SMG1: variants seen among roughly 807,000 people sequenced by gnomAD.
The protein encoded by SMG1 is serine/threonine-protein kinase SMG1.
A neutral mutation model predicts 419.9 loss-of-function variants in SMG1; 22 were observed. That is an observed-to-expected ratio of 0.05 (90% CI 0.04 to 0.07). The LOEUF is 0.07. SMG1 is among the 10% of genes least tolerant of loss of function. SMG1 has a pLI of 1.00. For synonymous variants in SMG1, 1,538 were observed against 1,553.5 expected (o/e 0.99, Z 0.23); for missense variants, 3,185 against 4,342.0 (o/e 0.73, Z 7.49).
chr16:18,847,032 T>TA (rs1169942286), intron 38 of SMG1, among the ~76,000 whole-genome samples: 1 of 148,992 alleles, frequency 6.7e-6, no homozygotes, highest in Non-Finnish European at 1.5e-5. Context: ...GGTATAATCA[T>TA]ACAGTATTAT....
intron 41 of SMG1, among the ~76,000 whole-genome samples, 200 bp downstream of exon 41, chr16:18,841,365 T>A (rs1596498915): frequency 8.0e-6 from 1 of 125,462 alleles, no homozygotes; most frequent in East Asian, 2.3e-4. Flanking sequence ...ACCACTGCAC[T>A]CCAGCATGGG....
chr16:18,838,482 C>T lies in SMG1; in HGVS notation c.7085-16G>A, dbSNP rs780239863. 9 of 1,613,960 alleles carry T rather than the reference C, an allele frequency of 5.6e-6. No homozygotes were observed. The East Asian group carries it at 1.6e-4, about 28-fold the overall frequency. On this transcript the variant is annotated splice_polypyrimidine_tract_variant and intron_variant, in intron 43 of 62. Transcript: ENST00000446231. ...AGGCTTTTACCTTGAAAAGACAAAT[C>T]ATTATATTTTTGCCCTTTCACCAAA...
rs201514697 is a variant in SMG1, at chr16:18,868,509, T to A, written c.3030+14A>T. 3,708 of 1,497,450 alleles carry A rather than the reference T, an allele frequency of 2.5e-3. 98 individuals are homozygous for A. The African/African-American group carries it at 0.046, about 18-fold the overall frequency. The allele number at this position is 1,497,450 out of a possible 1,614,324, so 92.8% of individuals were successfully genotyped here. Reference sequence around the variant, plus strand: ...TAAACTGCTATAAAACAACACTATCTCATGGAAACCAACCTTGGGAGGTGA... The same window carrying A: ...TAAACTGCTATAAAACAACACTATCACATGGAAACCAACCTTGGGAGGTGA... On this transcript the variant is annotated intron_variant, in intron 21 of 62. Transcript: ENST00000446231.
chr16:18,913,656 A>G (rs193139230), intron 1 of SMG1, among the ~76,000 whole-genome samples: 1 of 152,094 alleles, frequency 6.6e-6, no homozygotes, highest in African/African-American at 2.4e-5. Flanking sequence ...TAAGTTTAAC[A>G]ACTTCTTAAA....
At chr16:18,919,655 TATACACACACACACACAC>T (rs930668730) in intron 1 of SMG1, among the ~76,000 whole-genome samples, 6 of 79,970 alleles carry the variant, frequency 7.5e-5, no homozygotes, top group African/African-American at 2.9e-4. Context: ...TGTGTGTATA[TATACACACACACACACAC>T]ACACACACAC....
intron 6 of SMG1, among the ~76,000 whole-genome samples, chr16:18,886,822 A>G (rs2141760213): frequency 6.6e-6 from 1 of 152,294 alleles, no homozygotes; most frequent in Admixed American, 6.5e-5. Flanking sequence ...AGAAAAAGAA[A>G]ACCATTATTT....
At chr16:18,855,102 A>G (rs1596528773) in intron 29 of SMG1, among the ~76,000 whole-genome samples, 198 bp from the exon 30 acceptor site, 1 of 152,224 alleles carries the variant, frequency 6.6e-6, no homozygotes, top group Non-Finnish European at 1.5e-5. Context: ...AATGTATACA[A>G]TGAAGTAAAG....
At chr16:18,885,298 G>A (rs535100594) in intron 7 of SMG1, 136 bp from the exon 8 acceptor site, 18 of 637,364 alleles carry the variant, frequency 2.8e-5, no homozygotes, top group Non-Finnish European at 4.6e-5. Context: ...AACTTAGAAA[G>A]GGGAGAGGGG....
Position 18,879,644 on chromosome 16 carries a change from T to C in SMG1, c.1369A>G (p.Asn457Asp), listed in dbSNP as rs980264001. The stretch of plus-strand genomic sequence containing the variant: ...CCGAGCAAAACACCAACACACTCAT[T>C]AGCAGCTGTCAACACAGCCTCAGAA... ...FFSEAVLTAA[N>D]ECVGVLLGSL... Residue 457 changes from asparagine (N) to aspartate (D), a missense_variant, in exon 11 of 63, where the codon AAT becomes GAT. Physicochemically the swap from Asn to Asp is conservative, Grantham distance 23. This residue lies in a region of SMG1 where 6 missense variants were observed against 43.7 expected (regional missense o/e 0.14). Transcript: ENST00000446231. The C allele has an allele frequency of 6.6e-7, 1 of 1,517,934 alleles. No homozygotes were observed. Among genetic ancestry groups the C allele is most frequent in the Non-Finnish European group, 8.9e-7 (1 of 1,122,432 alleles). The allele number at this position is 1,517,934 out of a possible 1,614,324, so 94.0% of individuals were successfully genotyped here.
chr16:18,892,099 A>T (rs1215574504), intron 4 of SMG1, 119 bp downstream of exon 4: 17 of 770,368 alleles, frequency 2.2e-5, no homozygotes, highest in Non-Finnish European at 3.6e-5. Flanking sequence ...ATTAGAGAGC[A>T]TTAAGTTCTC....
At chr16:18,925,808 G>A (rs965004207) in intron 1 of SMG1, 142 bp downstream of exon 1, 12 of 560,636 alleles carry the variant, frequency 2.1e-5, no homozygotes, top group African/African-American at 1.6e-4. Flanking sequence ...CCCCAGCCGG[G>A]GCGGAGGAGA....
rs116913597 is a variant in SMG1 at position 18,830,383 on chromosome 16, A to G, written c.8793-14T>C. On this transcript the variant is annotated splice_polypyrimidine_tract_variant and intron_variant, in intron 51 of 62. Coordinates refer to ENST00000446231, the MANE Select transcript of SMG1 (RefSeq NM_015092.5). Reference sequence around the variant, plus strand: ...GCATGTAGTAGTCTACAGAAAAACAAAAGGAGTTAAAACCTTCGCTGAAAA... The same window carrying G: ...GCATGTAGTAGTCTACAGAAAAACAGAAGGAGTTAAAACCTTCGCTGAAAA... 10,143 of 1,613,566 alleles carry G rather than the reference A, an allele frequency of 6.3e-3. 58 individuals are homozygous for G. Among genetic ancestry groups the G allele is most frequent in the Middle Eastern group, 0.025 (154 of 6,054 alleles).
At chr16:18,887,788 A>T (rs2036695922) in intron 6 of SMG1, among the ~76,000 whole-genome samples, 2 of 126,040 alleles carry the variant, frequency 1.6e-5, no homozygotes, top group Admixed American at 7.9e-5. Flanking sequence ...AAAAAAAAAA[A>T]AAAAAAAAAA....
At chr16:18,812,323 T>C (rs894336432) in intron 60 of SMG1, 196 bp from the exon 61 acceptor site, 2 of 546,664 alleles carry the variant, frequency 3.7e-6, no homozygotes, top group Non-Finnish European at 6.2e-6. Flanking sequence ...TATGAATTTG[T>C]ACAATTATGT....
intron 60 of SMG1, among the ~76,000 whole-genome samples, 182 bp downstream of exon 60, chr16:18,814,993 C>G (rs1308307324): frequency 1.3e-5 from 2 of 150,342 alleles, no homozygotes; most frequent in Non-Finnish European, 3.0e-5. Flanking sequence ...GCTGAGATTA[C>G]AGGTGTGAGC....
intron 57 of SMG1, among the ~76,000 whole-genome samples, 165 bp downstream of exon 57, chr16:18,817,126 G>GGC (rs1555485533): frequency 9.7e-4 from 85 of 87,544 alleles, no homozygotes; most frequent in Admixed American, 1.8e-3. Context: ...GGCGGGGGGG[G>GGC]GGGCGCTAAG....
In SMG1 at chr16:18,919,653, TATATACAC is replaced by T. The variant is rs1477206954; in HGVS notation, c.92+6289_92+6296del. Among the ~76,000 whole-genome samples the T allele has an allele frequency of 1.5e-3, 114 of 77,080 alleles. 1 individual carries two copies. The highest frequency in any genetic ancestry group is 6.9e-3 in the African/African-American group (113 of 16,442). The allele number at this position is 77,080 out of a possible 152,430, so 50.6% of individuals were successfully genotyped here. On this transcript the variant is annotated intron_variant, in intron 1 of 62. Coordinates refer to ENST00000446231, the MANE Select transcript of SMG1 (RefSeq NM_015092.5). Reference sequence around the variant, plus strand: ...AAAAAAATGTGTGTGTGTGTGTGTATATATACACACACACACACACACACACACACACA... The same window carrying T: ...AAAAAAATGTGTGTGTGTGTGTGTATACACACACACACACACACACACACA...
chr16:18,926,008 T>A lies in SMG1; in HGVS notation c.34A>T (p.Ser12Cys). ...SRRAPGSRLS[S>C]GGGGGGTKYP... ...TTGGTGCCGCCGCCGCCGCCGCCGC[T>A]GCTCAGCCGAGACCCCGGGGCTCTG... Residue 12 changes from serine to cysteine, a missense_variant, in exon 1 of 63, where the codon AGC becomes TGC. Ser to Cys is a moderately radical substitution (Grantham distance 112). Around this residue, in one of 27 missense-constraint regions of SMG1, gnomAD observed 88 missense variants for 85.9 expected, o/e 1.02. Transcript: ENST00000446231. 6.3e-7 allele frequency: 1 copy of A among 1,578,312 alleles called. No homozygotes were observed. The highest frequency in any genetic ancestry group is 8.6e-7 in the Non-Finnish European group (1 of 1,168,582).
chr16:18,916,074 AAAAAAAAAAAAAAAACCAG>A (rs1446125502), intron 1 of SMG1, among the ~76,000 whole-genome samples: 2 of 121,706 alleles, frequency 1.6e-5, no homozygotes, highest in African/African-American at 6.7e-5. Context: ...CGTCTCAAAA[AAAAAAAAAAAAAAAACCAG>A]AAAAAAAAAA....
Sources: gnomAD v4.1 joint callset for allele counts (sites outside exome capture counted in the v4.1 genomes callset) on GRCh38, gnomAD v4.1.1 for gene constraint, gnomAD v4.1.1 regional missense constraint, MANE v1.5 for transcripts, NCBI Gene and HGNC (gene_info 2026-07-23, HGNC 2026-07-21) for gene names.